OSBPL7: variants seen among roughly 807,000 people sequenced by gnomAD.
OSBPL7 encodes the protein oxysterol-binding protein-related protein 7.
A neutral mutation model predicts 115.8 loss-of-function variants in OSBPL7; 66 were observed. That is an observed-to-expected ratio of 0.57 (90% confidence interval 0.47 to 0.70). The LOEUF (loss-of-function observed/expected upper bound fraction) is 0.70, where lower values mean the gene tolerates loss of function less well. OSBPL7 is among the 30% of genes least tolerant of loss of function. OSBPL7 has a pLI of 0.00. For synonymous variants in OSBPL7, 441 were observed against 439.2 expected, an observed-to-expected ratio of 1.00 and a Z score of -0.05; for missense variants, 902 against 1,125.5, an observed-to-expected ratio of 0.80 and a Z score of 2.84.
intron 14 of OSBPL7, 32 bp from the exon 15 acceptor site, chr17:47,813,866 T>G: frequency 6.3e-7 from 1 of 1,580,312 alleles, no homozygotes; most frequent in South Asian, 1.1e-5. Context: ...ACTCTCCATC[T>G]GGGCACCAGG....
chr17:47,821,148 A>G (rs1468213294), intron 1 of OSBPL7, among the ~76,000 whole-genome samples: 1 of 152,184 alleles, frequency 6.6e-6, no homozygotes, highest in Non-Finnish European at 1.5e-5. Context: ...CAGTGCCCAC[A>G]GGCACCCTTG....
intron 16 of OSBPL7, among the ~76,000 whole-genome samples, 153 bp downstream of exon 16, chr17:47,813,113 C>A (rs62076106): frequency 2.6e-5 from 4 of 152,218 alleles, no homozygotes; most frequent in Non-Finnish European, 4.4e-5. Context: ...GACCTCAGAA[C>A]GTGGGCCAGG....
At position 47,808,844 on chromosome 17, in the gene OSBPL7, G is replaced by A. The variant is rs200694392; in HGVS notation, c.2297+20C>T. On this transcript the variant is annotated intron_variant, in intron 21 of 22. Coordinates refer to ENST00000007414, the MANE Select transcript of OSBPL7 (RefSeq NM_145798.3). The surrounding 1 kb of genome is among the most constrained non-coding windows in gnomAD (Gnocchi z 6.1). Reference sequence around the variant, plus strand: ...GGAGTGAACTAGATGGTTCTAGGCCGGCACCCATCCGGCACTGACCTCTGG... The same window carrying A: ...GGAGTGAACTAGATGGTTCTAGGCCAGCACCCATCCGGCACTGACCTCTGG... The A allele has an allele frequency of 1.7e-5, 28 of 1,613,952 alleles. No individual in the cohort carries two copies. The highest frequency in any genetic ancestry group is 1.7e-4 in the Middle Eastern group (1 of 6,056).
intron 14 of OSBPL7, 90 bp from the exon 15 acceptor site, chr17:47,813,924 T>A: frequency 1.4e-6 from 2 of 1,463,582 alleles, no homozygotes; most frequent in Non-Finnish European, 1.8e-6. Flanking sequence ...CCCAGCTGCC[T>A]CCCAAGCCCC....
chr17:47,818,375 G>A lies in OSBPL7; in HGVS notation c.492C>T (p.Ala164=). The change falls in exon 7 of 23, where the codon GCC becomes GCT. Residue 164 remains alanine, a synonymous_variant. Transcript: ENST00000007414. ...PSTAHRKVPG[A]QLPTAATASA... ...AGGCAGTAGCTGCTGTTGGAAGCTGGGCACCAGGAACCTGTGGGGTGAGCC... is the reference window on the plus strand; with the variant it reads ...AGGCAGTAGCTGCTGTTGGAAGCTGAGCACCAGGAACCTGTGGGGTGAGCC... The A allele has an allele frequency of 6.2e-7, 1 of 1,613,776 alleles. No homozygotes were observed. The highest frequency in any genetic ancestry group is 8.5e-7 in the Non-Finnish European group (1 of 1,179,824).
At position 47,820,360 on chromosome 17, in the gene OSBPL7, G is replaced by T. The variant is rs866569894; in HGVS notation, c.-82C>A. ...GGGAAGGATGTCACCTGCTCCTGAC[G>T]GGGTCCTTGAAGCAAGAGAAAGACC... is the stretch of plus-strand genomic sequence containing the variant. On this transcript the variant is annotated 5_prime_UTR_variant, in exon 2 of 23. Transcript: ENST00000007414. 1 of 1,392,414 alleles carries T rather than the reference G, an allele frequency of 7.2e-7. No homozygotes were observed. Among genetic ancestry groups the T allele is most frequent in the Admixed American group, 2.2e-5 (1 of 45,606 alleles). 86.3% of individuals were successfully genotyped at this position (1,392,414 alleles called of 1,614,324 possible).
rs147574085 is a variant in OSBPL7, at chr17:47,814,551, C to A, written c.1321G>T (p.Asp441Tyr). The A allele has an allele frequency of 2.3e-5, 33 of 1,436,682 alleles. 1 individual carries two copies. In the African/African-American group the frequency reaches 4.4e-4, roughly 19 times the overall value. 89.0% of individuals were successfully genotyped at this position (1,436,682 alleles called of 1,614,324 possible). Residue 441 changes from aspartate to tyrosine, a missense_variant, in exon 14 of 23, where the codon GAC becomes TAC. This residue lies in a region of OSBPL7 where 667 missense variants were observed against 788.7 expected (regional missense o/e 0.85). Coordinates refer to ENST00000007414, the MANE Select transcript of OSBPL7 (RefSeq NM_145798.3). ...TGACAGCGCTCAGCTCCCCTGAGGT[C>A]CAGCATCTCCTCAGACAGGCTGGTG... ...ITTSLSEEML[D>Y]LRGAERCQKG...
chr17:47,812,298 G>A (rs1289741714), intron 16 of OSBPL7, among the ~76,000 whole-genome samples: 2 of 152,136 alleles, frequency 1.3e-5, no homozygotes, highest in East Asian at 1.9e-4. Flanking sequence ...GGCCCCCAGC[G>A]CTCCTGCCTG....
At chr17:47,818,063 C>G (rs1371005753) in intron 7 of OSBPL7, among the ~76,000 whole-genome samples, 1 of 152,210 alleles carries the variant, frequency 6.6e-6, no homozygotes, top group Non-Finnish European at 1.5e-5. Context: ...GCATCCACGT[C>G]TGTCTATGTG....
In OSBPL7 at chr17:47,820,195, C is replaced by A. The variant is rs2033356370; in HGVS notation, c.75+9G>T. On this transcript the variant is annotated intron_variant, in intron 2 of 22. Coordinates refer to ENST00000007414, the MANE Select transcript of OSBPL7 (RefSeq NM_145798.3). ...TGGCCCACCCACCACCGCTTTCCCA[C>A]TCTCTGACCTGCTGAGCACTGCTGG... The A allele has an allele frequency of 1.2e-6, 2 of 1,613,898 alleles. No individual in the cohort carries two copies. Among genetic ancestry groups the A allele is most frequent in the Non-Finnish European group, 1.7e-6 (2 of 1,179,966 alleles).
Position 47,817,172 on chromosome 17 carries a change from G to A in OSBPL7, c.702+84C>T, listed in dbSNP as rs1438262402. ...GCATGGCTCTCCAGGAAACTGCAGC[G>A]ATGTAGGAGGAATAGGACCCATCCT... On this transcript the variant is annotated intron_variant, in intron 8 of 22. Transcript: ENST00000007414. The A allele has an allele frequency of 3.3e-5, 36 of 1,099,080 alleles. No individual in the cohort carries two copies. The East Asian group carries it at 5.5e-4, about 17-fold the overall frequency. 68.1% of individuals were successfully genotyped at this position (1,099,080 alleles called of 1,614,324 possible).
rs1236449262 is a variant in OSBPL7, at chr17:47,808,524, C to A, written c.2420+14G>T. 6.2e-7 allele frequency: 1 copy of A among 1,614,056 alleles called. No individual in the cohort carries two copies. The highest frequency in any genetic ancestry group is 1.3e-5 in the African/African-American group (1 of 75,010). On this transcript the variant is annotated intron_variant, in intron 22 of 22. Coordinates refer to ENST00000007414, the MANE Select transcript of OSBPL7 (RefSeq NM_145798.3). The surrounding 1 kb of genome is among the most constrained non-coding windows in gnomAD (Gnocchi z 6.1). ...TCATGGGGAGACCCAGGGCGGAGGGCGAGGCCGAGGCACCTGAAGAAGCGA... is the reference window on the plus strand; with the variant it reads ...TCATGGGGAGACCCAGGGCGGAGGGAGAGGCCGAGGCACCTGAAGAAGCGA...
At chr17:47,809,819 C>T (rs1275250267) in intron 18 of OSBPL7, among the ~76,000 whole-genome samples, 1 of 152,190 alleles carries the variant, frequency 6.6e-6, no homozygotes, top group African/African-American at 2.4e-5. Flanking sequence ...TTACTTCTTA[C>T]TGTCATGTCA....
intron 12 of OSBPL7, chr17:47,815,828 AG>A: frequency 2.6e-6 from 1 of 388,220 alleles, no homozygotes; most frequent in Middle Eastern, 7.0e-4. Context: ...CAGGAGCCTG[AG>A]CCCACCCATT....
chr17:47,810,258 G>A (rs1234838324), intron 18 of OSBPL7, among the ~76,000 whole-genome samples: 1 of 152,114 alleles, frequency 6.6e-6, no homozygotes, highest in African/African-American at 2.4e-5. Flanking sequence ...ATCAATTTAG[G>A]TTTCTGTGTG....
chr17:47,810,434 G>C (rs535031544), intron 18 of OSBPL7, among the ~76,000 whole-genome samples, 160 bp downstream of exon 18: 28 of 152,302 alleles, frequency 1.8e-4, no homozygotes, highest in African/African-American at 6.7e-4. Context: ...GGCAACTGCT[G>C]TAAATATAGG....
In OSBPL7 at chr17:47,818,288, C is replaced by G. The variant is rs759637824; in HGVS notation, c.579G>C (p.Gly193=). ...CCTCACCATGAGAGCAGCGGTCCAG[C>G]CCATCACTGTCCCTCAGCCAGGAAG... ...KVSSWLRDSD[G]LDRCSHELSE... The change falls in exon 7 of 23, where the codon GGG becomes GGC. Residue 193 remains glycine (G), a synonymous_variant. Coordinates refer to ENST00000007414, the MANE Select transcript of OSBPL7 (RefSeq NM_145798.3). 4 of 1,613,818 alleles carry G rather than the reference C, an allele frequency of 2.5e-6. No individual in the cohort carries two copies. The highest frequency in any genetic ancestry group is 3.4e-6 in the Non-Finnish European group (4 of 1,179,856).
Position 47,810,686 on chromosome 17 carries a change from AG to A in OSBPL7, c.1802-15del, listed in dbSNP as rs1284448455. 1 of 1,613,714 alleles carries A rather than the reference AG, an allele frequency of 6.2e-7. No homozygotes were observed. The highest frequency in any genetic ancestry group is 8.5e-7 in the Non-Finnish European group (1 of 1,179,586). The stretch of plus-strand genomic sequence containing the variant: ...TCCACTTCATATCTGGAATTGGATT[AG>A]GGGAGGGAGAGTGAACAACAGAGAT... On this transcript the variant is annotated splice_polypyrimidine_tract_variant and intron_variant, in intron 17 of 22. Coordinates refer to ENST00000007414, the MANE Select transcript of OSBPL7 (RefSeq NM_145798.3).
At position 47,808,503 on chromosome 17, in the gene OSBPL7, G is replaced by A. The variant is rs1273744149; in HGVS notation, c.2420+35C>T. ...CTGCCCTGCTCCAAGCAGGGCTCAT[G>A]GGGAGACCCAGGGCGGAGGGCGAGG... On this transcript the variant is annotated intron_variant, in intron 22 of 22. Transcript: ENST00000007414. The surrounding 1 kb of genome is among the most constrained non-coding windows in gnomAD (Gnocchi z 6.1). 5 of 1,613,984 alleles carry A rather than the reference G, an allele frequency of 3.1e-6. No individual in the cohort carries two copies. Among genetic ancestry groups the A allele is most frequent in the Non-Finnish European group, 3.4e-6 (4 of 1,179,970 alleles).
Sources: gnomAD v4.1 joint callset for allele counts (sites outside exome capture counted in the v4.1 genomes callset) on GRCh38, gnomAD v4.1.1 for gene constraint, gnomAD v4.1.1 regional missense constraint, Gnocchi (gnomAD v3.1) non-coding constraint, MANE v1.5 for transcripts, NCBI Gene and HGNC (gene_info 2026-07-23, HGNC 2026-07-21) for gene names.